The following CSF3R variants were observed in gnomAD, a reference collection of about 807,000 sequenced individuals.
The protein encoded by CSF3R is colony stimulating factor 3 receptor.
Under a neutral mutation model 84.4 loss-of-function variants are expected in CSF3R, and 52 were observed. The ratio of observed to expected loss-of-function variants is 0.62; its 90% CI spans 0.49 to 0.78. The LOEUF is 0.78. Among genes scored for constraint, CSF3R ranks in the 30% least tolerant of loss-of-function variants. CSF3R has a pLI of 0.00. For missense variants in CSF3R, 890 were observed against 1,055.7 expected, an observed-to-expected ratio of 0.84 and a Z score of 2.17; for synonymous variants, 384 against 429.1, an observed-to-expected ratio of 0.89 and a Z score of 1.30.
chr1:36,479,148 T>G, intron 3 of CSF3R: 1 of 489,194 alleles, frequency 2.0e-6, no homozygotes, highest in Non-Finnish European at 3.8e-6. Flanking sequence ...ATAGGACCCA[T>G]GGGTTGCTTC....
Position 36,467,143 on chromosome 1 carries a change from C to A in CSF3R, c.2040+87G>T. 6.9e-7 allele frequency: 1 copy of A among 1,446,744 alleles called. No homozygotes were observed. The highest frequency in any genetic ancestry group is 9.7e-7 in the Non-Finnish European group (1 of 1,028,748). 89.6% of individuals were successfully genotyped at this position (1,446,744 alleles called of 1,614,324 possible). On this transcript the variant is annotated intron_variant, in intron 16 of 16. Coordinates refer to ENST00000373106, the MANE Select transcript of CSF3R (RefSeq NM_000760.4). The surrounding 1 kb of genome is among the most constrained non-coding windows in gnomAD (Gnocchi z 4.1). Reference sequence around the variant, plus strand: ...GATGTTGCCGGAAGTGACAGGAAGGCCTGAGTACTTGGCTTCAGAAGGTGT... The same window carrying A: ...GATGTTGCCGGAAGTGACAGGAAGGACTGAGTACTTGGCTTCAGAAGGTGT...
intron 2 of CSF3R, among the ~76,000 whole-genome samples, chr1:36,480,823 C>T (rs943440134): frequency 3.3e-5 from 5 of 152,196 alleles, no homozygotes; most frequent in Admixed American, 1.3e-4. Flanking sequence ...ATTGCAGTAT[C>T]GGAATACCCA....
Position 36,467,207 on chromosome 1 carries a change from C to T in CSF3R, c.2040+23G>A, listed in dbSNP as rs748624722. The T allele has an allele frequency of 1.9e-6, 3 of 1,612,040 alleles. No homozygotes were observed. The highest frequency in any genetic ancestry group is 2.5e-6 in the Non-Finnish European group (3 of 1,178,038). On this transcript the variant is annotated intron_variant, in intron 16 of 16. Coordinates refer to ENST00000373106, the MANE Select transcript of CSF3R (RefSeq NM_000760.4). The surrounding 1 kb of genome is among the most constrained non-coding windows in gnomAD (Gnocchi z 4.1). ...CTGGGCCGACATCCCCATCTCATTT[C>T]CCTCTCCCTCCTGGATTCTCACCTC...
rs886517514 is a variant in CSF3R, at chr1:36,468,506, T to A, written c.1577-285A>T. ...TTACTCTCTGATTTCTGCCACTCAC[T>A]CTCCGAATTTATGCCAGGTCCTCTG... On this transcript the variant is annotated intron_variant, in intron 12 of 16. Coordinates refer to ENST00000373106, the MANE Select transcript of CSF3R (RefSeq NM_000760.4). 8 of 320,952 alleles carry A rather than the reference T, an allele frequency of 2.5e-5. No homozygotes were observed. The East Asian group carries it at 3.9e-4, about 16-fold the overall frequency. The allele number at this position is 320,952 out of a possible 1,614,324, so 19.9% of individuals were successfully genotyped here. A position where few individuals can be genotyped will look rare whatever the true frequency, so the allele number is the denominator to read the frequency against.
At chr1:36,474,313 C>T (rs1413249725) in intron 4 of CSF3R, among the ~76,000 whole-genome samples, 1 of 151,824 alleles carries the variant, frequency 6.6e-6, no homozygotes, top group Non-Finnish European at 1.5e-5. Context: ...AAATGACTCA[C>T]TCTACATGAA....
chr1:36,467,721 A>G lies in CSF3R; in HGVS notation c.1865-70T>C, dbSNP rs1650420900. 1 of 1,610,912 alleles carries G rather than the reference A, an allele frequency of 6.2e-7. No homozygotes were observed. Among genetic ancestry groups the G allele is most frequent in the Non-Finnish European group, 8.5e-7 (1 of 1,177,048 alleles). ...AAGGCTGGGTCTCCTCCCTCCGACCAGGGGATTCAAAGTCAGTCCCCAGCT... is the reference window on the plus strand; with the variant it reads ...AAGGCTGGGTCTCCTCCCTCCGACCGGGGGATTCAAAGTCAGTCCCCAGCT... On this transcript the variant is annotated intron_variant, in intron 14 of 16. Transcript: ENST00000373106. The surrounding 1 kb of genome is among the most constrained non-coding windows in gnomAD (Gnocchi z 4.1).
chr1:36,468,468 G>C, intron 12 of CSF3R: 1 of 419,864 alleles, frequency 2.4e-6, no homozygotes, highest in Non-Finnish European at 4.2e-6. Context: ...TACCAGGCCT[G>C]ATTTCATCTG....
rs1209150469 is a variant in CSF3R at position 36,469,731 on chromosome 1, C to G, written c.1395G>C (p.Leu465=). 1.2e-6 allele frequency: 2 copies of G among 1,614,088 alleles called. No individual in the cohort carries two copies. The highest frequency in any genetic ancestry group is 1.7e-5 in the Admixed American group (1 of 60,018). ...WPQGYVIEWG[L]GPPSASNSNK... Reference sequence around the variant, plus strand: ...TGCTATTGCTCGCGCTGGGGGGGCCCAGGCCCCACTCAATCACATAGCCCT... The same window carrying G: ...TGCTATTGCTCGCGCTGGGGGGGCCGAGGCCCCACTCAATCACATAGCCCT... Residue 465 remains leucine (L), a synonymous_variant, in exon 11 of 17, where the codon CTG becomes CTC. Transcript: ENST00000373106.
rs1167638522 is a variant in CSF3R, at chr1:36,472,155, G to GAA, written c.998-18_998-17dup. 23 of 1,613,958 alleles carry GAA rather than the reference G, an allele frequency of 1.4e-5. No individual in the cohort carries two copies. Among genetic ancestry groups the GAA allele is most frequent in the Non-Finnish European group, 1.9e-5 (23 of 1,180,010 alleles). On this transcript the variant is annotated splice_polypyrimidine_tract_variant and intron_variant, in intron 8 of 16. Coordinates refer to ENST00000373106, the MANE Select transcript of CSF3R (RefSeq NM_000760.4). The surrounding 1 kb of genome is among the most constrained non-coding windows in gnomAD (Gnocchi z 5.0). Reference sequence around the variant, plus strand: ...ACAGTGGGGGCTGTGGATGGAACAAGAAGAGGGGGTGCCAGTTGGGGAGGG... The same window carrying GAA: ...ACAGTGGGGGCTGTGGATGGAACAAGAAAAGAGGGGGTGCCAGTTGGGGAGGG...
rs1650447200 is a variant in CSF3R, at chr1:36,467,984, C to T, written c.1724-22G>A. 1.2e-6 allele frequency: 2 copies of T among 1,614,210 alleles called. No individual in the cohort carries two copies. Among genetic ancestry groups the T allele is most frequent in the Non-Finnish European group, 1.7e-6 (2 of 1,180,048 alleles). On this transcript the variant is annotated intron_variant, in intron 13 of 16. Coordinates refer to ENST00000373106, the MANE Select transcript of CSF3R (RefSeq NM_000760.4). The surrounding 1 kb of genome is among the most constrained non-coding windows in gnomAD (Gnocchi z 4.1). ...GCGGCTGGGAGGGGTGTACGGTCAG[C>T]ATAGGCCTGGATGGTAAAGCTGCCT...
Position 36,472,541 on chromosome 1 carries a change from C to T in CSF3R, c.819G>A (p.Gln273=), listed in dbSNP as rs1650836694. The T allele has an allele frequency of 6.2e-7, 1 of 1,614,100 alleles. No homozygotes were observed. Among genetic ancestry groups the T allele is most frequent in the Admixed American group, 1.7e-5 (1 of 60,002 alleles). Residue 273 remains glutamine, a synonymous_variant, in exon 7 of 17, where the codon CAG becomes CAA. Coordinates refer to ENST00000373106, the MANE Select transcript of CSF3R (RefSeq NM_000760.4). The surrounding 1 kb of genome is among the most constrained non-coding windows in gnomAD (Gnocchi z 5.0). Reference sequence around the variant, plus strand: ...CCAGTGCCCAGCTGGCTTCTCCACGCTGCGGCTTGTGGCGCAGCTCACACT... The same window carrying T: ...CCAGTGCCCAGCTGGCTTCTCCACGTTGCGGCTTGTGGCGCAGCTCACACT... The part of the protein sequence containing the change: ...NQKCELRHKP[Q]RGEASWALVG...
At chr1:36,470,055 C>T (rs531487903) in intron 10 of CSF3R, among the ~76,000 whole-genome samples, 13 of 152,246 alleles carry the variant, frequency 8.5e-5, no homozygotes, top group South Asian at 4.2e-4. Context: ...ACTTGATGCA[C>T]GAAACAAGCC....
rs752775396 is a variant in CSF3R, at chr1:36,467,546, A to G, written c.1958+12T>C. ...GGGGAAGCAGGATCTCAGGTCTCTCAAAGGGACTCACTTGGGGCTGCAACA... is the reference window on the plus strand; with the variant it reads ...GGGGAAGCAGGATCTCAGGTCTCTCGAAGGGACTCACTTGGGGCTGCAACA... On this transcript the variant is annotated intron_variant, in intron 15 of 16. Transcript: ENST00000373106. The surrounding 1 kb of genome is among the most constrained non-coding windows in gnomAD (Gnocchi z 4.1). 3 of 1,613,262 alleles carry G rather than the reference A, an allele frequency of 1.9e-6. No homozygotes were observed. The highest frequency in any genetic ancestry group is 2.2e-5 in the South Asian group (2 of 91,026).
intron 4 of CSF3R, among the ~76,000 whole-genome samples, chr1:36,474,356 G>A (rs543960185): frequency 8.5e-4 from 126 of 147,816 alleles, no homozygotes; most frequent in African/African-American, 3.1e-3. Context: ...TACAGGAAAT[G>A]CTATGTAAGT....
In CSF3R at chr1:36,466,291, C is replaced by T; in HGVS notation, c.*66G>A. On this transcript the variant is annotated 3_prime_UTR_variant, in exon 17 of 17. Coordinates refer to ENST00000373106, the MANE Select transcript of CSF3R (RefSeq NM_000760.4). This position sits in a 1 kb window ranked among gnomAD's most constrained non-coding sequence, Gnocchi z 4.6. ...GTTTTTAGTCATGGGCTTATGGACC[C>T]TCCCCTCTTCTCCAGCTAGCTCAGG... 1 of 1,611,380 alleles carries T rather than the reference C, an allele frequency of 6.2e-7. No individual in the cohort carries two copies. Among genetic ancestry groups the T allele is most frequent in the Non-Finnish European group, 8.5e-7 (1 of 1,179,268 alleles).
intron 10 of CSF3R, 101 bp from the exon 11 acceptor site, chr1:36,469,941 G>T: frequency 7.9e-7 from 1 of 1,259,058 alleles, no homozygotes; most frequent in Non-Finnish European, 1.1e-6. Flanking sequence ...TTACAGGCTG[G>T]GTGACCTTTG....
At chr1:36,470,067 G>C (rs1650610575) in intron 10 of CSF3R, among the ~76,000 whole-genome samples, 2 of 152,202 alleles carry the variant, frequency 1.3e-5, no homozygotes, top group Non-Finnish European at 2.9e-5. Context: ...AAACAAGCCT[G>C]GCATAGCGCC....
At position 36,474,212 on chromosome 1, in the gene CSF3R, G is replaced by C. The variant is rs941203554; in HGVS notation, c.362-325C>G. 7.2e-5 allele frequency among the ~76,000 whole-genome samples: 11 copies of C among 152,094 alleles called. 1 individual carries two copies. Among genetic ancestry groups the C allele is most frequent in the Non-Finnish European group, 1.0e-4 (7 of 68,014 alleles). On this transcript the variant is annotated intron_variant, in intron 4 of 16. Coordinates refer to ENST00000373106, the MANE Select transcript of CSF3R (RefSeq NM_000760.4). ...TGCCATTCATTAGCCCTGTGATCTT[G>C]AAGTTATTTAACTGCTCCATGCCTC...
At chr1:36,477,396 C>CT (rs1020523102) in intron 3 of CSF3R, 8 of 152,140 alleles carry the variant, frequency 5.3e-5, no homozygotes, top group African/African-American at 1.9e-4. Flanking sequence ...AAAGCTGGGG[C>CT]TACAGGCACG....
Sources: gnomAD v4.1 joint callset for allele counts (sites outside exome capture counted in the v4.1 genomes callset) on GRCh38, gnomAD v4.1.1 for gene constraint, Gnocchi (gnomAD v3.1) non-coding constraint, MANE v1.5 for transcripts, NCBI Gene and HGNC (gene_info 2026-07-23, HGNC 2026-07-21) for gene names.